DMXL1: variants seen among roughly 807,000 people sequenced by gnomAD.
DMXL1 encodes dmX-like protein 1.
In DMXL1, 99 loss-of-function variants were observed where a neutral mutation model predicts 319.2. The ratio of observed to expected loss-of-function variants is 0.31; its 90% CI spans 0.26 to 0.37. The LOEUF (loss-of-function observed/expected upper bound fraction) is 0.37, where lower values mean the gene tolerates loss of function less well. Ranked by LOEUF, DMXL1 falls within the 10% of genes least tolerant of loss-of-function variation. The probability of loss-of-function intolerance (pLI) is 1.00; values close to 1 mark genes in which losing one functional copy is unlikely to be tolerated. For missense variants in DMXL1, 3,745 were observed against 3,595.6 expected, an observed-to-expected ratio of 1.04 and a Z score of -1.06; for synonymous variants, 1,385 against 1,235.2, an observed-to-expected ratio of 1.12 and a Z score of -2.54.
At chr5:119,184,370 A>G (rs760937967) in intron 28 of DMXL1, among the ~76,000 whole-genome samples, 1 of 152,140 alleles carries the variant, frequency 6.6e-6, no homozygotes, top group Non-Finnish European at 1.5e-5. Flanking sequence ...TGCTTAATTC[A>G]GTATTTCTGT....
intron 23 of DMXL1, among the ~76,000 whole-genome samples, chr5:119,168,116 A>G (rs1241676055): frequency 1.3e-5 from 2 of 152,342 alleles, no homozygotes; most frequent in African/African-American, 2.4e-5. Context: ...ACACTTGAAT[A>G]TAAACATTTT....
intron 19 of DMXL1, among the ~76,000 whole-genome samples, chr5:119,160,952 C>T (rs943578298): frequency 1.3e-5 from 2 of 152,086 alleles, no homozygotes; most frequent in African/African-American, 4.8e-5. Context: ...TCCAAATATT[C>T]GTCAGTCATT....
chr5:119,136,131 A>G (rs1765941370), intron 13 of DMXL1, among the ~76,000 whole-genome samples: 1 of 152,222 alleles, frequency 6.6e-6, no homozygotes, highest in South Asian at 2.1e-4. Context: ...TGGGATCTGG[A>G]GCAAAGATCA....
At chr5:119,173,298 C>T (rs913791225) in intron 25 of DMXL1, among the ~76,000 whole-genome samples, 19 of 151,400 alleles carry the variant, frequency 1.3e-4, no homozygotes, top group Non-Finnish European at 2.2e-4. Context: ...CAAGATCGCA[C>T]CATTACACTC....
intron 2 of DMXL1, among the ~76,000 whole-genome samples, chr5:119,099,957 C>T (rs1057258390): frequency 6.6e-6 from 1 of 152,120 alleles, no homozygotes; most frequent in Non-Finnish European, 1.5e-5. Flanking sequence ...GCTCTGGTGG[C>T]ACCACTGCAC....
intron 26 of DMXL1, among the ~76,000 whole-genome samples, chr5:119,175,957 A>T (rs774237794): frequency 2.6e-4 from 40 of 152,038 alleles, no homozygotes; most frequent in East Asian, 5.8e-4. Context: ...TCTCTCTTCT[A>T]TCTTTCCTAT....
Position 119,238,089 on chromosome 5 carries a change from T to G in DMXL1, c.8559+675T>G, listed in dbSNP as rs1405997686. On this transcript the variant is annotated intron_variant, in intron 40 of 43. Coordinates refer to ENST00000539542, the MANE Select transcript of DMXL1 (RefSeq NM_001290321.3). Reference sequence around the variant, plus strand: ...GGTACCTTGAAAGAATATTAACTGTTTCTCATATTTTTATTAAGCTTAAAG... The same window carrying G: ...GGTACCTTGAAAGAATATTAACTGTGTCTCATATTTTTATTAAGCTTAAAG... 2.0e-5 allele frequency among the ~76,000 whole-genome samples: 3 copies of G among 152,258 alleles called. No homozygotes were observed. In the East Asian group the frequency reaches 5.8e-4, roughly 29 times the overall value.
intron 15 of DMXL1, among the ~76,000 whole-genome samples, chr5:119,145,504 T>C (rs1768321915): frequency 6.6e-6 from 1 of 151,766 alleles, no homozygotes; most frequent in African/African-American, 2.4e-5. Flanking sequence ...ATTAAAGATA[T>C]CAGGCGTAAG....
chr5:119,147,661 G>A, intron 17 of DMXL1, 191 bp downstream of exon 17: 1 of 464,100 alleles, frequency 2.2e-6, no homozygotes, highest in Non-Finnish European at 3.8e-6. Flanking sequence ...TTATCAGCCA[G>A]TTCTAGTCTT....
chr5:119,197,918 C>T lies in DMXL1; in HGVS notation c.7707C>T (p.Arg2569=). ...ESLSAGPAIL[R]HKALLEPTNT... ...TGTCTGCAGGTCCTGCAATTCTTCGCCACAAAGCTTTACTGGAACCTACAA... is the reference window on the plus strand; with the variant it reads ...TGTCTGCAGGTCCTGCAATTCTTCGTCACAAAGCTTTACTGGAACCTACAA... The change falls in exon 32 of 44, where the codon CGC becomes CGT. Residue 2569 remains arginine, a synonymous_variant. Transcript: ENST00000539542. 4.3e-6 allele frequency: 7 copies of T among 1,614,166 alleles called. No homozygotes were observed. Among genetic ancestry groups the T allele is most frequent in the Non-Finnish European group, 5.1e-6 (6 of 1,180,026 alleles).
intron 9 of DMXL1, among the ~76,000 whole-genome samples, chr5:119,126,161 T>C (rs1365097913): frequency 2.0e-5 from 3 of 152,162 alleles, no homozygotes; most frequent in Non-Finnish European, 4.4e-5. Flanking sequence ...TGTCTGCCTT[T>C]AATCCCAGCT....
At chr5:119,105,612 T>C (rs1159475279) in intron 4 of DMXL1, among the ~76,000 whole-genome samples, 4 of 152,104 alleles carry the variant, frequency 2.6e-5, no homozygotes, top group Admixed American at 6.6e-5. Context: ...TAAGAAAATA[T>C]ATGCCAGGCG....
At chr5:119,182,640 G>T (rs1453702147) in intron 28 of DMXL1, among the ~76,000 whole-genome samples, 3 of 152,008 alleles carry the variant, frequency 2.0e-5, no homozygotes, top group Non-Finnish European at 2.9e-5. Flanking sequence ...ATAACTGAAG[G>T]AAATTATAGA....
In DMXL1 at chr5:119,171,745, T is replaced by C. The variant is rs747553529; in HGVS notation, c.6490-33T>C. The C allele has an allele frequency of 2.6e-6, 4 of 1,543,556 alleles. No homozygotes were observed. The African/African-American group carries it at 5.5e-5, about 21-fold the overall frequency. On this transcript the variant is annotated intron_variant, in intron 24 of 43. Coordinates refer to ENST00000539542, the MANE Select transcript of DMXL1 (RefSeq NM_001290321.3). The stretch of plus-strand genomic sequence containing the variant: ...AGTAATGGTTTGTAACTGTAAATAG[T>C]TGGTTAACCTTTTATCCCTCTTTGT...
In DMXL1 at chr5:119,121,744, T is replaced by C. The variant is rs1178552098; in HGVS notation, c.1102+605T>C. On this transcript the variant is annotated intron_variant, in intron 9 of 43. Coordinates refer to ENST00000539542, the MANE Select transcript of DMXL1 (RefSeq NM_001290321.3). ...CTTTTCCCCACCTTTCCACCCTTTC[T>C]GTTCCACAAAACCGCCATTGTCATC... Among the ~76,000 whole-genome samples, 5 of 152,380 alleles carry C rather than the reference T, an allele frequency of 3.3e-5. No homozygotes were observed. The East Asian group carries it at 9.6e-4, about 29-fold the overall frequency.
chr5:119,189,645 A>G (rs1189913672), intron 28 of DMXL1, 63 bp from the exon 29 acceptor site: 1 of 1,493,750 alleles, frequency 6.7e-7, no homozygotes, highest in African/African-American at 1.4e-5. Flanking sequence ...TCTTATGTAA[A>G]CACAGGTGAA....
At position 119,101,785 on chromosome 5, in the gene DMXL1, T is replaced by G. The variant is rs535788722; in HGVS notation, c.214-150T>G. On this transcript the variant is annotated intron_variant, in intron 2 of 43. Coordinates refer to ENST00000539542, the MANE Select transcript of DMXL1 (RefSeq NM_001290321.3). ...CAGTTCTAGGATTCTAATGCAGATG[T>G]GATAGTCTTCAAAACTGACATTCTT... 1.2e-4 allele frequency: 75 copies of G among 616,338 alleles called. No homozygotes were observed. In the African/African-American group the frequency reaches 1.3e-3, roughly 11 times the overall value. 38.2% of individuals were successfully genotyped at this position (616,338 alleles called of 1,614,324 possible).
intron 35 of DMXL1, among the ~76,000 whole-genome samples, chr5:119,219,240 G>C (rs1784228842): frequency 2.0e-5 from 3 of 152,098 alleles, no homozygotes; most frequent in Admixed American, 2.0e-4. Flanking sequence ...GAGTTTAGGG[G>C]ACCCAAATCT....
chr5:119,149,329 C>T lies in DMXL1; in HGVS notation c.3502C>T (p.Leu1168=). 6.2e-7 allele frequency: 1 copy of T among 1,613,944 alleles called. No individual in the cohort carries two copies. The highest frequency in any genetic ancestry group is 8.5e-7 in the Non-Finnish European group (1 of 1,179,900). The part of the protein sequence containing the change: ...IGSKLFMYGP[L]AGKVQDQTGK... ...ATCAAAACTTTTTATGTATGGACCC[C>T]TGGCTGGCAAGGTACAAGACCAAAC... Residue 1168 remains leucine, a synonymous_variant, in exon 18 of 44, where the codon CTG becomes TTG. Coordinates refer to ENST00000539542, the MANE Select transcript of DMXL1 (RefSeq NM_001290321.3).
Sources: allele counts gnomAD v4.1 joint callset (sites outside exome capture counted in the v4.1 genomes callset), GRCh38; gene constraint gnomAD v4.1.1; transcripts MANE v1.5; gene names NCBI Gene and HGNC (gene_info 2026-07-23, HGNC 2026-07-21).